WASHC2A: variants seen among roughly 807,000 people sequenced by gnomAD.
The protein encoded by WASHC2A is WASH complex subunit 2A, also known as WASH complex subunit FAM21A.
In WASHC2A, 82 loss-of-function variants were observed where a neutral mutation model predicts 140.3. That is an observed-to-expected ratio of 0.58 (90% CI 0.49 to 0.70). The LOEUF is 0.70. Ranked by LOEUF, WASHC2A falls within the 30% of genes least tolerant of loss-of-function variation. The pLI, the probability that WASHC2A is intolerant of heterozygous loss-of-function variation, is 0.00. For synonymous variants in WASHC2A, 340 were observed against 560.8 expected (o/e 0.61, Z 5.56); for missense variants, 985 against 1,521.8 (o/e 0.65, Z 5.87).
chr10:50,120,605 C>T (rs1193553483), intron 23 of WASHC2A, among the ~76,000 whole-genome samples: 6 of 92,870 alleles, frequency 6.5e-5, no homozygotes, highest in Admixed American at 1.3e-4. Flanking sequence ...GGCAACAGAA[C>T]GAGACTCCAT....
At chr10:50,072,670 A>G (rs1837970287) in intron 3 of WASHC2A, among the ~76,000 whole-genome samples, 1 of 151,610 alleles carries the variant, frequency 6.6e-6, no homozygotes, top group Non-Finnish European at 1.5e-5. Flanking sequence ...TTGCATTTTT[A>G]GTAGAGATGG....
At chr10:50,130,125 C>G in intron 29 of WASHC2A, 86 bp downstream of exon 29, 1 of 1,567,052 alleles carries the variant, frequency 6.4e-7, no homozygotes, top group Non-Finnish European at 8.7e-7. Flanking sequence ...TTATGTCTAG[C>G]TTGTTGCGTG....
chr10:50,071,670 A>C (rs1367921694), intron 3 of WASHC2A, among the ~76,000 whole-genome samples: 2 of 149,032 alleles, frequency 1.3e-5, no homozygotes, highest in Non-Finnish European at 3.0e-5. Flanking sequence ...CCAGATCAAT[A>C]CTTCAGTGGG....
At chr10:50,108,986 G>T (rs1411673079) in intron 19 of WASHC2A, among the ~76,000 whole-genome samples, 1 of 150,600 alleles carries the variant, frequency 6.6e-6, no homozygotes, top group Non-Finnish European at 1.5e-5. Context: ...GTACAGCCTC[G>T]TCATTGGAGT....
At chr10:50,125,969 A>G in intron 25 of WASHC2A, 88 bp from the exon 26 acceptor site, 22 of 1,557,856 alleles carry the variant, frequency 1.4e-5, no homozygotes, top group Non-Finnish European at 1.9e-5. Flanking sequence ...TTTAAGACTC[A>G]GAAGCCAGGA....
intron 19 of WASHC2A, among the ~76,000 whole-genome samples, chr10:50,109,387 A>G (rs1209743126): frequency 1.3e-5 from 2 of 152,054 alleles, no homozygotes; most frequent in Non-Finnish European, 2.9e-5. Context: ...TTTTTTTTCA[A>G]TCTGCTTTAG....
intron 16 of WASHC2A, 72 bp from the exon 17 acceptor site, chr10:50,099,906 A>G (rs1466994020): frequency 3.9e-6 from 5 of 1,272,890 alleles, no homozygotes; most frequent in Non-Finnish European, 5.5e-6. Flanking sequence ...TTTTCTGGGT[A>G]TCTTACGTGT....
intron 17 of WASHC2A, among the ~76,000 whole-genome samples, chr10:50,103,243 A>ATTTGT: frequency 1.3e-5 from 2 of 151,036 alleles, no homozygotes; most frequent in African/African-American, 4.8e-5. Flanking sequence ...TTTAAAAATA[A>ATTTGT]AGTTTAATTT....
intron 3 of WASHC2A, among the ~76,000 whole-genome samples, chr10:50,073,211 G>C (rs61856713): frequency 0.4 from 60,919 of 151,640 alleles, 12,797 homozygotes; most frequent in East Asian, 0.63. Flanking sequence ...ACTTTAGTTT[G>C]TTAAATGAAC....
At chr10:50,125,548 C>T (rs1318114717) in intron 25 of WASHC2A, 99 bp downstream of exon 25, 31 of 1,608,198 alleles carry the variant, frequency 1.9e-5, no homozygotes, top group Middle Eastern at 2.3e-4. Context: ...CTAGGAGAGT[C>T]GTGCTGCTTC....
chr10:50,088,425 C>G (rs1336624308), intron 8 of WASHC2A, among the ~76,000 whole-genome samples: 1 of 149,914 alleles, frequency 6.7e-6, no homozygotes, highest in Non-Finnish European at 1.5e-5. Context: ...TGGCACCATG[C>G]CCGGCTAATT....
intron 11 of WASHC2A, among the ~76,000 whole-genome samples, chr10:50,092,813 C>CG (rs1311164029): frequency 1.4e-4 from 21 of 152,286 alleles, no homozygotes; most frequent in African/African-American, 4.8e-4. Flanking sequence ...TTAGGAATCT[C>CG]TAGCATTTGT....
chr10:50,101,239 T>G (rs1175516352), intron 17 of WASHC2A, among the ~76,000 whole-genome samples: 7 of 152,424 alleles, frequency 4.6e-5, no homozygotes, highest in African/African-American at 1.7e-4. Flanking sequence ...CACCGTCTTA[T>G]GCTCATGGAT....
intron 8 of WASHC2A, among the ~76,000 whole-genome samples, chr10:50,090,261 GGAGGCTGAGGC>G (rs1839760761): frequency 6.7e-6 from 1 of 150,094 alleles, no homozygotes; most frequent in African/African-American, 2.4e-5. Flanking sequence ...TAGCAGTTTG[GGAGGCTGAGGC>G]GGGTGGATCA....
chr10:50,082,613 G>GA (rs1839012967), intron 5 of WASHC2A, among the ~76,000 whole-genome samples: 1 of 150,586 alleles, frequency 6.6e-6, no homozygotes, highest in East Asian at 2.0e-4. Context: ...AAGTAGCTGG[G>GA]ATTACAGGCA....
At position 50,105,183 on chromosome 10, in the gene WASHC2A, G is replaced by A. The variant is rs1841631798; in HGVS notation, c.1737+1040G>A. ...ACAAAGGAGAAGGCAGCCATGTCCT[G>A]ACCATTGTCTTTCTTTCCCATCCTG... On this transcript the variant is annotated intron_variant, in intron 18 of 30. Transcript: ENST00000282633. Among the ~76,000 whole-genome samples, 3 of 152,050 alleles carry A rather than the reference G, an allele frequency of 2.0e-5. No homozygotes were observed. The South Asian group carries it at 6.3e-4, about 32-fold the overall frequency.
At chr10:50,117,284 TAACTG>T (rs1352943810) in intron 21 of WASHC2A, among the ~76,000 whole-genome samples, 1 of 40,638 alleles carries the variant, frequency 2.5e-5, no homozygotes, top group East Asian at 5.6e-4. Flanking sequence ...AACTGACACT[TAACTG>T]AAGAGGACAG....
At chr10:50,124,093 TTTTTG>T (rs200416768) in intron 23 of WASHC2A, among the ~76,000 whole-genome samples, 50 of 151,176 alleles carry the variant, frequency 3.3e-4, no homozygotes, top group African/African-American at 7.5e-4. Flanking sequence ...TTTTTTGGTT[TTTTTG>T]TTTTGTTTTG....
chr10:50,117,969 C>T lies in WASHC2A; in HGVS notation c.2206C>T (p.Gln736Ter). ...CAGCGATGAAGAAGAGAAGGAGGCA[C>T]AACTTGGAGTGAAGTCTGTGGATAA... ...LFSDEEEKEAQLGVKSVDKKV... is the reference protein window; with the variant it reads ...LFSDEEEKEA The change falls in exon 22 of 31, where the codon CAA (glutamine) becomes TAA (stop). Residue 736 changes from glutamine (Q) to a stop codon, truncating the protein, a stop_gained. Coordinates refer to ENST00000282633, the MANE Select transcript of WASHC2A (RefSeq NM_001005751.3). LOFTEE classifies it high-confidence loss of function. 2.5e-6 allele frequency: 4 copies of T among 1,585,314 alleles called. No individual in the cohort carries two copies. In the Middle Eastern group the frequency reaches 5.0e-4, roughly 198 times the overall value.
Sources: gnomAD v4.1 joint callset for allele counts (sites outside exome capture counted in the v4.1 genomes callset) on GRCh38, gnomAD v4.1.1 for gene constraint, MANE v1.5 for transcripts, NCBI Gene and HGNC (gene_info 2026-07-23, HGNC 2026-07-21) for gene names.